Variants in COL22A1 observed in about 807,000 individuals in gnomAD.
COL22A1 encodes collagen alpha-1(XXII) chain.
In COL22A1, 221 loss-of-function variants were observed where a neutral mutation model predicts 248.9. The observed-to-expected ratio is 0.89, with a 90% CI of 0.80 to 0.99. The LOEUF (loss-of-function observed/expected upper bound fraction) is 0.99. Among genes scored for constraint, COL22A1 ranks in the 50% least tolerant of loss-of-function variants. The pLI is 0.00. For missense variants in COL22A1, 2,240 were observed against 2,179.0 expected (o/e 1.03, Z -0.56); for synonymous variants, 891 against 793.4 (o/e 1.12, Z -2.07).
intron 31 of COL22A1, 41 bp from the exon 32 acceptor site, chr8:138,700,185 G>T (rs1217103927): frequency 2.5e-6 from 4 of 1,601,352 alleles, no homozygotes; most frequent in Admixed American, 3.4e-5. Flanking sequence ...TGGGCATCAA[G>T]GAACCCAGTG....
chr8:138,687,131 AT>A (rs1826422193), intron 37 of COL22A1, among the ~76,000 whole-genome samples: 1 of 152,054 alleles, frequency 6.6e-6, no homozygotes, highest in Non-Finnish European at 1.5e-5. Context: ...TAATTTTTGT[AT>A]TTTTAGTAGA....
intron 1 of COL22A1, among the ~76,000 whole-genome samples, chr8:138,900,276 G>T (rs1350780457): frequency 6.6e-6 from 1 of 152,172 alleles, no homozygotes; most frequent in Non-Finnish European, 1.5e-5. Context: ...AGATAAAAAA[G>T]AGCTCTGGCC....
At chr8:138,590,077 T>G (rs781454764) in intron 64 of COL22A1, among the ~76,000 whole-genome samples, 3 of 152,050 alleles carry the variant, frequency 2.0e-5, no homozygotes, top group Non-Finnish European at 4.4e-5. Flanking sequence ...ATAGACAAAC[T>G]TCTATCCTTT....
At chr8:138,812,128 C>G (rs796608492) in intron 8 of COL22A1, among the ~76,000 whole-genome samples, 2 of 152,206 alleles carry the variant, frequency 1.3e-5, no homozygotes, top group African/African-American at 4.8e-5. Context: ...CTGGGTGAAC[C>G]GCCCACAGTC....
chr8:138,764,360 A>T lies in COL22A1; in HGVS notation c.1804-1894T>A, dbSNP rs565239540. 2.2e-4 allele frequency among the ~76,000 whole-genome samples: 34 copies of T among 152,328 alleles called. 1 individual carries two copies. The highest frequency in any genetic ancestry group is 5.9e-4 in the Admixed American group (9 of 15,304). On this transcript the variant is annotated intron_variant, in intron 16 of 64. Transcript: ENST00000303045. Reference sequence around the variant, plus strand: ...TGGGTCTCTCCTTTCATCTGGAAACAAATACTGAGGCTTCCTACTGCCCAG... The same window carrying T: ...TGGGTCTCTCCTTTCATCTGGAAACTAATACTGAGGCTTCCTACTGCCCAG...
At chr8:138,723,890 C>CT (rs1361807395) in intron 25 of COL22A1, among the ~76,000 whole-genome samples, 2 of 152,190 alleles carry the variant, frequency 1.3e-5, no homozygotes, top group Non-Finnish European at 2.9e-5. Context: ...GTGGGGAGAC[C>CT]TGCCCCATGT....
chr8:138,763,726 C>T (rs1050403395), intron 16 of COL22A1, among the ~76,000 whole-genome samples: 8 of 152,208 alleles, frequency 5.3e-5, no homozygotes, highest in Admixed American at 3.9e-4. Flanking sequence ...CTTCTGCCTT[C>T]CCTGCCTCCT....
At chr8:138,819,870 G>A (rs1342517297) in intron 7 of COL22A1, among the ~76,000 whole-genome samples, 3 of 151,626 alleles carry the variant, frequency 2.0e-5, no homozygotes, top group Non-Finnish European at 4.4e-5. Context: ...AAACTTGAGG[G>A]TACATACCTC....
intron 36 of COL22A1, among the ~76,000 whole-genome samples, chr8:138,689,600 A>G (rs187145677): frequency 2.0e-5 from 3 of 152,292 alleles, no homozygotes; most frequent in Non-Finnish European, 4.4e-5. Context: ...CTGTAATCCT[A>G]GCTACTTGGG....
At chr8:138,591,573 C>A (rs550039301) in intron 63 of COL22A1, 72 bp from the exon 64 acceptor site, 3 of 1,248,354 alleles carry the variant, frequency 2.4e-6, no homozygotes, top group South Asian at 3.4e-5. Context: ...TCCCACCTTG[C>A]GGGAGGTGCA....
In COL22A1 at chr8:138,688,947, G is replaced by A; in HGVS notation, c.2832C>T (p.Thr944=). 1 of 1,613,366 alleles carries A rather than the reference G, an allele frequency of 6.2e-7. No individual in the cohort carries two copies. The highest frequency in any genetic ancestry group is 1.1e-5 in the South Asian group (1 of 91,046). The part of the protein sequence containing the change: ...GSVGAPGLRG[T]PGKDGERGEK... ...CACCACGCTCCCCATCTTTCCCTGG[G>A]GTGCCTCTGAGGCCGGGAGCACCCT... Residue 944 remains threonine (T), a synonymous_variant, in exon 37 of 65, where the codon ACC becomes ACT. Coordinates refer to ENST00000303045, the MANE Select transcript of COL22A1 (RefSeq NM_152888.3).
chr8:138,819,751 T>C (rs577271980), intron 7 of COL22A1, among the ~76,000 whole-genome samples: 99 of 149,708 alleles, frequency 6.6e-4, no homozygotes, highest in African/African-American at 2.3e-3. Flanking sequence ...ACACAACATA[T>C]ATATATATTC....
intron 15 of COL22A1, among the ~76,000 whole-genome samples, chr8:138,776,379 C>T (rs1262806282): frequency 6.6e-6 from 1 of 152,174 alleles, no homozygotes; most frequent in Non-Finnish European, 1.5e-5. Context: ...CTGTGATACC[C>T]CATGACCATG....
chr8:138,728,752 C>T (rs189719785), intron 23 of COL22A1, among the ~76,000 whole-genome samples: 1 of 152,118 alleles, frequency 6.6e-6, no homozygotes, highest in Admixed American at 6.5e-5. Context: ...CAGCCATCAT[C>T]TCTGGCTGCT....
rs118099873 is a variant in COL22A1 at position 138,616,080 on chromosome 8, G to T, written c.3871-26C>A. On this transcript the variant is annotated intron_variant, in intron 54 of 64. Transcript: ENST00000303045. ...CTAGGAACAAAAAAGCCTGCTATTA[G>T]GGAAGGAGATGCTTCAGCCACTGGC... The T allele has an allele frequency of 5.3e-3, 8,484 of 1,597,344 alleles. 67 individuals carry two copies. Among genetic ancestry groups the T allele is most frequent in the Middle Eastern group, 0.013 (78 of 6,022 alleles).
At chr8:138,750,257 T>C (rs1832480547) in intron 22 of COL22A1, among the ~76,000 whole-genome samples, 1 of 152,226 alleles carries the variant, frequency 6.6e-6, no homozygotes, top group Non-Finnish European at 1.5e-5. Context: ...AACAGACTAA[T>C]ACAATCTCTC....
chr8:138,821,023 G>A (rs1455200196), intron 7 of COL22A1, 113 bp downstream of exon 7: 1 of 1,193,724 alleles, frequency 8.4e-7, no homozygotes, highest in Admixed American at 2.2e-5. Flanking sequence ...GGTCCAAGGT[G>A]ATGATTTGGT....
At chr8:138,901,036 G>C (rs1814513815) in intron 1 of COL22A1, among the ~76,000 whole-genome samples, 1 of 152,112 alleles carries the variant, frequency 6.6e-6, no homozygotes, top group Non-Finnish European at 1.5e-5. Context: ...CTACTCATCT[G>C]TCCAGCATCT....
intron 47 of COL22A1, among the ~76,000 whole-genome samples, chr8:138,641,835 A>T (rs1821741168): frequency 6.6e-6 from 1 of 152,210 alleles, no homozygotes; most frequent in Non-Finnish European, 1.5e-5. Flanking sequence ...CAGGGGTAGC[A>T]TTTTCAGTTT....
Sources: allele counts gnomAD v4.1 joint callset (sites outside exome capture counted in the v4.1 genomes callset), GRCh38; gene constraint gnomAD v4.1.1; transcripts MANE v1.5; gene names NCBI Gene and HGNC (gene_info 2026-07-23, HGNC 2026-07-21).